ANKH: variants seen among roughly 807,000 people sequenced by gnomAD.
ANKH encodes mineralization regulator ANKH.
In ANKH, 15 loss-of-function variants were observed where a neutral mutation model predicts 49.0. That is an observed-to-expected ratio of 0.31 (90% confidence interval 0.20 to 0.47). ANKH has a LOEUF of 0.47. Among genes scored for constraint, ANKH ranks in the 20% least tolerant of loss-of-function variants. The pLI is 1.00. For missense variants in ANKH, 429 were observed against 652.0 expected, an observed-to-expected ratio of 0.66 and a Z score of 3.72; for synonymous variants, 273 against 260.0, an observed-to-expected ratio of 1.05 and a Z score of -0.48.
At chr5:14,760,107 G>C (rs1290986933) in intron 2 of ANKH, among the ~76,000 whole-genome samples, 1 of 152,148 alleles carries the variant, frequency 6.6e-6, no homozygotes, top group Non-Finnish European at 1.5e-5. Flanking sequence ...CAGGGTAGAG[G>C]TGAACAACCA....
intron 1 of ANKH, among the ~76,000 whole-genome samples, chr5:14,813,322 C>T (rs1740941505): frequency 6.6e-6 from 1 of 151,768 alleles, no homozygotes; most frequent in Non-Finnish European, 1.5e-5. Context: ...TGGAATGATA[C>T]AGGATGGTGT....
chr5:14,831,167 G>A (rs1741494560), intron 1 of ANKH, among the ~76,000 whole-genome samples: 1 of 152,132 alleles, frequency 6.6e-6, no homozygotes, highest in African/African-American at 2.4e-5. Flanking sequence ...TCCAACTCAG[G>A]AGACCTTGGA....
chr5:14,732,745 G>A (rs978630215), intron 8 of ANKH, among the ~76,000 whole-genome samples: 1 of 152,126 alleles, frequency 6.6e-6, no homozygotes, highest in Non-Finnish European at 1.5e-5. Context: ...AACTGAAGAT[G>A]GCAGTTTTGA....
intron 1 of ANKH, among the ~76,000 whole-genome samples, chr5:14,789,948 G>A (rs868203585): frequency 2.6e-5 from 4 of 152,248 alleles, no homozygotes; most frequent in South Asian, 2.1e-4. Flanking sequence ...GGGCTCAAGC[G>A]ATCTACCCGC....
Position 14,713,047 on chromosome 5 carries a change from G to T in ANKH, c.1266-74C>A. Reference sequence around the variant, plus strand: ...GCACAACCGTCGATGCCAAAACCCAGGAAAGTAAGTGTAGCCTCGAGACGG... The same window carrying T: ...GCACAACCGTCGATGCCAAAACCCATGAAAGTAAGTGTAGCCTCGAGACGG... On this transcript the variant is annotated intron_variant, in intron 10 of 11. Transcript: ENST00000284268. This position sits in a 1 kb window ranked among gnomAD's most constrained non-coding sequence, Gnocchi z 4.4. 7.0e-7 allele frequency: 1 copy of T among 1,430,312 alleles called. No homozygotes were observed. Among genetic ancestry groups the T allele is most frequent in the African/African-American group, 1.4e-5 (1 of 71,326 alleles). 88.6% of individuals were successfully genotyped at this position (1,430,312 alleles called of 1,614,324 possible).
chr5:14,711,073 A>G lies in ANKH; in HGVS notation c.*124T>C. 1 of 847,666 alleles carries G rather than the reference A, an allele frequency of 1.2e-6. No homozygotes were observed. Among genetic ancestry groups the G allele is most frequent in the East Asian group, 2.4e-5 (1 of 41,312 alleles). 52.5% of individuals were successfully genotyped at this position (847,666 alleles called of 1,614,324 possible). ...GAATTGACACGAAACCTTTAAATCA[A>G]GGCCTCTTTCATTACCAAAACAAAA... On this transcript the variant is annotated 3_prime_UTR_variant, in exon 12 of 12. Coordinates refer to ENST00000284268, the MANE Select transcript of ANKH (RefSeq NM_054027.6).
intron 1 of ANKH, among the ~76,000 whole-genome samples, chr5:14,827,801 G>T (rs1474130722): frequency 6.6e-6 from 1 of 152,048 alleles, no homozygotes; most frequent in Non-Finnish European, 1.5e-5. Context: ...TCAGTGATCT[G>T]ATACATTGTA....
At chr5:14,803,095 T>C (rs1014877342) in intron 1 of ANKH, among the ~76,000 whole-genome samples, 4 of 152,146 alleles carry the variant, frequency 2.6e-5, no homozygotes, top group Non-Finnish European at 5.9e-5. Flanking sequence ...ACATCCAGCA[T>C]GTAAGTATAT....
At chr5:14,768,460 A>G (rs938086170) in intron 2 of ANKH, 37 of 189,442 alleles carry the variant, frequency 2.0e-4, no homozygotes, top group Admixed American at 5.9e-4. Context: ...TGTATGTATG[A>G]TACAGCTTTC....
intron 1 of ANKH, chr5:14,797,080 A>C: frequency 1.5e-6 from 2 of 1,349,516 alleles, no homozygotes; most frequent in Non-Finnish European, 2.1e-6. Flanking sequence ...CGGGGTTGAG[A>C]AGAAAAAAGG....
intron 4 of ANKH, among the ~76,000 whole-genome samples, chr5:14,753,822 C>A (rs72494104): frequency 1.7e-4 from 26 of 152,204 alleles, no homozygotes; most frequent in Middle Eastern, 6.8e-3. Context: ...AAACAAAAAA[C>A]CCCCCTCGAG....
intron 1 of ANKH, among the ~76,000 whole-genome samples, chr5:14,806,370 T>TA (rs1443502633): frequency 6.6e-6 from 1 of 151,966 alleles, no homozygotes; most frequent in African/African-American, 2.4e-5. Flanking sequence ...TAGTCAGGAC[T>TA]AAAACAACAG....
intron 1 of ANKH, among the ~76,000 whole-genome samples, chr5:14,832,746 G>A (rs1177534919): frequency 6.6e-6 from 1 of 152,054 alleles, no homozygotes; most frequent in Non-Finnish European, 1.5e-5. Flanking sequence ...TACAAATAAC[G>A]ATCTTTGTAA....
At chr5:14,832,123 C>G (rs1043596874) in intron 1 of ANKH, among the ~76,000 whole-genome samples, 9 of 152,010 alleles carry the variant, frequency 5.9e-5, no homozygotes, top group African/African-American at 1.9e-4. Flanking sequence ...TAATCAATAA[C>G]CTCCAAATAC....
chr5:14,719,031 C>T (rs193282694), intron 8 of ANKH, among the ~76,000 whole-genome samples: 108 of 152,156 alleles, frequency 7.1e-4, no homozygotes, highest in African/African-American at 1.9e-3. Context: ...GAGGGGACAG[C>T]GGACGTCTCA....
chr5:14,758,467 C>T lies in ANKH; in HGVS notation c.432+13G>A, dbSNP rs112742497. The T allele has an allele frequency of 1.4e-3, 2,226 of 1,597,312 alleles. 25 individuals are homozygous for T. In the African/African-American group the frequency reaches 0.023, roughly 17 times the overall value. On this transcript the variant is annotated intron_variant, in intron 3 of 11. Transcript: ENST00000284268. ...AAGAAAAAGAAAGAAAGCCAACGATCTTCTCTACTCACCATTGCGTCCATG... is the reference window on the plus strand; with the variant it reads ...AAGAAAAAGAAAGAAAGCCAACGATTTTCTCTACTCACCATTGCGTCCATG...
chr5:14,780,260 G>A (rs1385281413), intron 1 of ANKH, among the ~76,000 whole-genome samples: 1 of 152,120 alleles, frequency 6.6e-6, no homozygotes. Flanking sequence ...ATAAAATCAT[G>A]GGCCAGACAT....
At chr5:14,812,651 C>T (rs1244027189) in intron 1 of ANKH, among the ~76,000 whole-genome samples, 1 of 152,160 alleles carries the variant, frequency 6.6e-6, no homozygotes, top group East Asian at 1.9e-4. Context: ...AATCCCTGCA[C>T]CCCTGATATC....
At chr5:14,776,973 G>C (rs895397720) in intron 1 of ANKH, among the ~76,000 whole-genome samples, 130 of 152,206 alleles carry the variant, frequency 8.5e-4, no homozygotes, top group African/African-American at 3.1e-3. Flanking sequence ...TAGCGATGTG[G>C]AATGGCTGAC....
Sources: allele counts gnomAD v4.1 joint callset (sites outside exome capture counted in the v4.1 genomes callset), GRCh38; gene constraint gnomAD v4.1.1; non-coding constraint Gnocchi (gnomAD v3.1); transcripts MANE v1.5; gene names NCBI Gene and HGNC (gene_info 2026-07-23, HGNC 2026-07-21).